Variants in MSRB3 observed in about 807,000 individuals in gnomAD.
MSRB3 encodes methionine sulfoxide reductase B3.
In MSRB3, 13 loss-of-function variants were observed where a neutral mutation model predicts 21.0. That is an observed-to-expected ratio of 0.62 (90% CI 0.40 to 0.98). The LOEUF (loss-of-function observed/expected upper bound fraction) is 0.98. MSRB3 is among the 50% of genes least tolerant of loss of function. MSRB3 has a pLI of 0.00. For synonymous variants in MSRB3, 87 were observed against 88.6 expected (o/e 0.98, Z 0.10); for missense variants, 199 against 230.3 (o/e 0.86, Z 0.88).
At chr12:65,300,809 G>A (rs1873282873) in intron 1 of MSRB3, among the ~76,000 whole-genome samples, 1 of 152,206 alleles carries the variant, frequency 6.6e-6, no homozygotes, top group Non-Finnish European at 1.5e-5. Flanking sequence ...GAACATTGCT[G>A]TTCCCTGCTG....
intron 4 of MSRB3, among the ~76,000 whole-genome samples, chr12:65,364,295 A>G (rs549935094): frequency 6.6e-6 from 1 of 152,302 alleles, no homozygotes; most frequent in African/African-American, 2.4e-5. Flanking sequence ...TAATGTGGAA[A>G]TATGTCTGTG....
chr12:65,364,926 A>G (rs1237211997), intron 4 of MSRB3, among the ~76,000 whole-genome samples: 1 of 152,162 alleles, frequency 6.6e-6, no homozygotes, highest in East Asian at 1.9e-4. Context: ...TGTATCTGAG[A>G]ATTCTGCAGA....
chr12:65,387,272 G>A (rs7964169), intron 5 of MSRB3, among the ~76,000 whole-genome samples: 98,819 of 151,920 alleles, frequency 0.65, 32,262 homozygotes, highest in Admixed American at 0.72. Context: ...CTGTGAAATA[G>A]CCTTCCAGAA....
chr12:65,436,805 G>C (rs562521262), intron 5 of MSRB3, among the ~76,000 whole-genome samples: 1 of 151,842 alleles, frequency 6.6e-6, no homozygotes, highest in Non-Finnish European at 1.5e-5. Flanking sequence ...TCAACTCTCT[G>C]AGCTGCCACA....
intron 1 of MSRB3, chr12:65,281,994 T>C (rs1274856252): frequency 1.3e-5 from 2 of 152,242 alleles, no homozygotes; most frequent in Admixed American, 1.3e-4. Flanking sequence ...ATTTTCTCTT[T>C]CCTGCCCATG....
At chr12:65,418,841 G>C in intron 5 of MSRB3, 1 of 855,836 alleles carries the variant, frequency 1.2e-6, no homozygotes, top group Non-Finnish European at 2.0e-6. Context: ...GCATCACCAA[G>C]ACTGAAGTCC....
intron 4 of MSRB3, among the ~76,000 whole-genome samples, chr12:65,338,769 A>T (rs1032273742): frequency 6.6e-6 from 1 of 152,192 alleles, no homozygotes; most frequent in African/African-American, 2.4e-5. Flanking sequence ...AATTCTAGGC[A>T]TGAGAAGAGA....
chr12:65,302,568 A>G (rs1464307376), intron 1 of MSRB3, among the ~76,000 whole-genome samples: 1 of 152,196 alleles, frequency 6.6e-6, no homozygotes, highest in Non-Finnish European at 1.5e-5. Flanking sequence ...AAGTTAAAAA[A>G]AATTACCTCT....
chr12:65,368,875 T>C, intron 4 of MSRB3, 123 bp from the exon 5 acceptor site: 1 of 667,168 alleles, frequency 1.5e-6, no homozygotes, highest in Non-Finnish European at 2.7e-6. Context: ...ATTAACATTT[T>C]AGAAATATAC....
At chr12:65,352,356 C>T (rs1193896650) in intron 4 of MSRB3, among the ~76,000 whole-genome samples, 1 of 150,310 alleles carries the variant, frequency 6.7e-6, no homozygotes. Flanking sequence ...CAGCCAATAT[C>T]ATACTGAATG....
chr12:65,335,303 G>A (rs1217663439), intron 4 of MSRB3, among the ~76,000 whole-genome samples: 2 of 152,210 alleles, frequency 1.3e-5, no homozygotes, highest in Admixed American at 6.5e-5. Flanking sequence ...GACAGGGTCT[G>A]TCTGTTAACA....
At chr12:65,448,287 C>G (rs921913180) in intron 5 of MSRB3, among the ~76,000 whole-genome samples, 3 of 152,088 alleles carry the variant, frequency 2.0e-5, no homozygotes, top group African/African-American at 7.2e-5. Context: ...TTTTGGAACA[C>G]CTTTTATGTA....
At position 65,296,483 on chromosome 12, in the gene MSRB3, C is replaced by T. The variant is rs528981159; in HGVS notation, c.-51-12046C>T. ...AGTACATGTTATGATCTACATTATA[C>T]GAGTGAGGAAACAGGATCTATAGAG... is the stretch of plus-strand genomic sequence containing the variant. On this transcript the variant is annotated intron_variant, in intron 1 of 6. Transcript: ENST00000308259. 3.9e-5 allele frequency among the ~76,000 whole-genome samples: 6 copies of T among 152,266 alleles called. No homozygotes were observed. In the South Asian group the frequency reaches 1.2e-3, roughly 32 times the overall value.
intron 5 of MSRB3, among the ~76,000 whole-genome samples, chr12:65,435,105 T>C (rs1167814863): frequency 6.6e-6 from 1 of 151,826 alleles, no homozygotes; most frequent in East Asian, 1.9e-4. Flanking sequence ...GCTTTGAATA[T>C]TGGTAACTGA....
intron 1 of MSRB3, among the ~76,000 whole-genome samples, chr12:65,301,563 A>G (rs1873331797): frequency 6.6e-6 from 1 of 152,234 alleles, no homozygotes; most frequent in African/African-American, 2.4e-5. Flanking sequence ...AAAGATCTGT[A>G]TAACTCGGTG....
intron 4 of MSRB3, among the ~76,000 whole-genome samples, chr12:65,347,574 T>C (rs900842623): frequency 1.3e-5 from 2 of 152,192 alleles, no homozygotes; most frequent in Non-Finnish European, 2.9e-5. Flanking sequence ...GAATACCCTC[T>C]ATTTCTTTCT....
chr12:65,317,355 A>T (rs1874366115), intron 2 of MSRB3, among the ~76,000 whole-genome samples: 1 of 152,206 alleles, frequency 6.6e-6, no homozygotes, highest in African/African-American at 2.4e-5. Context: ...ACAAGAATGT[A>T]TTATAGTTTG....
intron 5 of MSRB3, among the ~76,000 whole-genome samples, chr12:65,399,052 C>G (rs978474773): frequency 2.0e-5 from 3 of 152,212 alleles, no homozygotes; most frequent in Admixed American, 6.5e-5. Context: ...ATGCCTCCAG[C>G]TTTGTTCTTT....
At chr12:65,449,818 T>C (rs753350050) in intron 5 of MSRB3, among the ~76,000 whole-genome samples, 1 of 152,128 alleles carries the variant, frequency 6.6e-6, no homozygotes, top group Non-Finnish European at 1.5e-5. Flanking sequence ...AATAGGACAA[T>C]GAGGGCCACA....
Sources: gnomAD v4.1 joint callset for allele counts (sites outside exome capture counted in the v4.1 genomes callset) on GRCh38, gnomAD v4.1.1 for gene constraint, MANE v1.5 for transcripts, NCBI Gene and HGNC (gene_info 2026-07-23, HGNC 2026-07-21) for gene names.